The following SGCZ variants were observed in gnomAD, a reference collection of about 807,000 sequenced individuals.
The protein encoded by SGCZ is sarcoglycan zeta.
In SGCZ, 40 loss-of-function variants were observed where a neutral mutation model predicts 41.3. That is an observed-to-expected ratio of 0.97 (90% CI 0.75 to 1.26). The LOEUF is 1.26. Ranked by LOEUF, SGCZ falls within the 50% of genes most tolerant of loss-of-function variation. SGCZ has a pLI of 0.00. For synonymous variants in SGCZ, 206 were observed against 137.5 expected (o/e 1.50, Z -3.49); for missense variants, 552 against 369.8 (o/e 1.49, Z -4.04).
chr8:15,099,192 C>T (rs577042988), intron 1 of SGCZ, among the ~76,000 whole-genome samples: 2 of 152,270 alleles, frequency 1.3e-5, no homozygotes, highest in African/African-American at 2.4e-5. Context: ...AGGAATTAAT[C>T]GTGTAGTCTT....
intron 1 of SGCZ, among the ~76,000 whole-genome samples, chr8:15,113,561 C>T (rs1174917257): frequency 6.6e-6 from 1 of 152,154 alleles, no homozygotes; most frequent in African/African-American, 2.4e-5. Context: ...TGCCTGCCTT[C>T]CCATTACTCT....
chr8:14,939,631 A>G (rs1324922544), intron 1 of SGCZ, among the ~76,000 whole-genome samples: 1 of 152,214 alleles, frequency 6.6e-6, no homozygotes, highest in African/African-American at 2.4e-5. Flanking sequence ...AGAATACTGG[A>G]CAACTGACAG....
At chr8:14,142,491 T>G (rs1429654892) in intron 5 of SGCZ, among the ~76,000 whole-genome samples, 1 of 152,206 alleles carries the variant, frequency 6.6e-6, no homozygotes, top group African/African-American at 2.4e-5. Context: ...TAGGCCCATT[T>G]AGGCACTTTA....
chr8:14,981,829 T>C (rs1801671784), intron 1 of SGCZ, among the ~76,000 whole-genome samples: 1 of 152,252 alleles, frequency 6.6e-6, no homozygotes, highest in South Asian at 2.1e-4. Context: ...ATAAAGTATA[T>C]TCTCTACTCA....
intron 1 of SGCZ, among the ~76,000 whole-genome samples, chr8:14,667,559 C>T (rs1475409701): frequency 2.6e-5 from 4 of 152,028 alleles, no homozygotes; most frequent in Non-Finnish European, 5.9e-5. Context: ...TTATGAAGTA[C>T]CAAACTATAA....
chr8:14,695,978 A>G (rs1334642229), intron 1 of SGCZ, among the ~76,000 whole-genome samples: 5 of 152,286 alleles, frequency 3.3e-5, no homozygotes, highest in South Asian at 2.1e-4. Flanking sequence ...TACAATTACC[A>G]TATCAGTGAA....
At chr8:14,655,313 T>A (rs1019723609) in intron 1 of SGCZ, among the ~76,000 whole-genome samples, 1 of 152,114 alleles carries the variant, frequency 6.6e-6, no homozygotes, top group African/African-American at 2.4e-5. Flanking sequence ...GGTGTTCATA[T>A]GTTCAATATA....
At chr8:14,699,371 G>A (rs555063817) in intron 1 of SGCZ, among the ~76,000 whole-genome samples, 1 of 151,454 alleles carries the variant, frequency 6.6e-6, no homozygotes, top group Non-Finnish European at 1.5e-5. Flanking sequence ...TGAGGAAAGG[G>A]CTCTATATTC....
chr8:15,172,309 G>A (rs1213552404), intron 1 of SGCZ, among the ~76,000 whole-genome samples: 9 of 150,162 alleles, frequency 6.0e-5, no homozygotes, highest in South Asian at 4.2e-4. Flanking sequence ...CTACAGGCGC[G>A]CGCCACCATG....
chr8:14,524,829 T>C (rs553685912), intron 2 of SGCZ, among the ~76,000 whole-genome samples: 1 of 151,858 alleles, frequency 6.6e-6, no homozygotes, highest in Admixed American at 6.6e-5. Flanking sequence ...TATCTCCTTT[T>C]TGTTTTTTTT....
At chr8:14,221,808 G>C (rs947782064) in intron 4 of SGCZ, among the ~76,000 whole-genome samples, 3 of 151,948 alleles carry the variant, frequency 2.0e-5, no homozygotes, top group African/African-American at 4.8e-5. Flanking sequence ...GTGATGGCGT[G>C]TGCCTGTAAT....
chr8:14,815,391 T>C (rs115721897), intron 1 of SGCZ, among the ~76,000 whole-genome samples: 27 of 152,038 alleles, frequency 1.8e-4, no homozygotes, highest in African/African-American at 6.3e-4. Context: ...GATTTTTTTT[T>C]TTTGCATGTG....
intron 1 of SGCZ, among the ~76,000 whole-genome samples, chr8:15,018,935 A>G (rs547367779): frequency 5.9e-5 from 9 of 152,352 alleles, no homozygotes; most frequent in African/African-American, 2.2e-4. Context: ...ACTTACAGTC[A>G]TCACAGAAGG....
chr8:14,602,925 C>T (rs200125233), intron 1 of SGCZ, among the ~76,000 whole-genome samples: 1 of 152,128 alleles, frequency 6.6e-6, no homozygotes, highest in African/African-American at 2.4e-5. Flanking sequence ...ATTTGATAAG[C>T]AAGCCATGAT....
chr8:14,433,626 C>T (rs1381926253), intron 2 of SGCZ, among the ~76,000 whole-genome samples: 2 of 152,034 alleles, frequency 1.3e-5, no homozygotes, highest in Admixed American at 6.6e-5. Flanking sequence ...TTCACTTAAC[C>T]CTTTTCCTAT....
chr8:14,243,947 C>T (rs1163209665), intron 3 of SGCZ, among the ~76,000 whole-genome samples: 1 of 152,106 alleles, frequency 6.6e-6, no homozygotes, highest in African/African-American at 2.4e-5. Flanking sequence ...AGTATGCTGT[C>T]AATTAGTTTT....
chr8:14,717,426 C>A (rs547033408), intron 1 of SGCZ, among the ~76,000 whole-genome samples: 1 of 152,102 alleles, frequency 6.6e-6, no homozygotes, highest in African/African-American at 2.4e-5. Context: ...ACAATTTCTA[C>A]TTTTCGAAGA....
chr8:14,091,386 G>C (rs1801685416), intron 7 of SGCZ, among the ~76,000 whole-genome samples: 1 of 151,846 alleles, frequency 6.6e-6, no homozygotes, highest in Non-Finnish European at 1.5e-5. Context: ...GGTATTTCTA[G>C]TTCTAGATCC....
chr8:14,314,377 A>C lies in SGCZ; in HGVS notation c.336+9726T>G, dbSNP rs73531385. 3.9e-3 allele frequency among the ~76,000 whole-genome samples: 596 copies of C among 152,230 alleles called. 5 individuals are homozygous for C. The highest frequency in any genetic ancestry group is 0.014 in the African/African-American group (569 of 41,544). On this transcript the variant is annotated intron_variant, in intron 3 of 7. Transcript: ENST00000382080. ...GCAGTCCAGCATTCAACCAATATAA[A>C]TCAAAATACAGATTTTTTTTCTGAA...
Sources: allele counts gnomAD v4.1 joint callset (sites outside exome capture counted in the v4.1 genomes callset), GRCh38; gene constraint gnomAD v4.1.1; transcripts MANE v1.5; gene names NCBI Gene and HGNC (gene_info 2026-07-23, HGNC 2026-07-21).